The following FNDC1 variants were observed in gnomAD, a reference collection of about 807,000 sequenced individuals.
FNDC1 encodes fibronectin type III domain-containing protein 1.
FNDC1 carries 96 observed loss-of-function variants against 168.0 expected under a neutral mutation model. The ratio of observed to expected loss-of-function variants is 0.57; its 90% confidence interval spans 0.48 to 0.68. The LOEUF is 0.68. FNDC1 is among the 30% of genes least tolerant of loss of function. The pLI, the probability that FNDC1 is intolerant of heterozygous loss-of-function variation, is 0.00. For synonymous variants in FNDC1, 1,099 were observed against 1,025.9 expected, an observed-to-expected ratio of 1.07 and a Z score of -1.36; for missense variants, 2,587 against 2,482.1, an observed-to-expected ratio of 1.04 and a Z score of -0.90.
rs114185167 is a variant in FNDC1, at chr6:159,234,249, C to T, written c.3737C>T (p.Pro1246Leu). The T allele has an allele frequency of 6.9e-6, 11 of 1,591,146 alleles. No homozygotes were observed. The highest frequency in any genetic ancestry group is 1.8e-5 in the Admixed American group (1 of 56,916). ...GCTCCTGTGAAGCGACCTCTCCCCCCACCTCCAGGCAGCTCCCCCAGGGCC... is the reference window on the plus strand; with the variant it reads ...GCTCCTGTGAAGCGACCTCTCCCCCTACCTCCAGGCAGCTCCCCCAGGGCC... ...SLAPVKRPLP[P>L]PPGSSPRASH... is the part of the protein sequence containing the mutation. Residue 1246 changes from proline (P) to leucine (L), a missense_variant, in exon 11 of 23, where the codon CCA (proline) becomes CTA (leucine). Pro to Leu is a moderately conservative substitution (Grantham distance 98, BLOSUM62 -3). Coordinates refer to ENST00000297267, the MANE Select transcript of FNDC1 (RefSeq NM_032532.3).
chr6:159,224,868 T>TA (rs1277022833), intron 7 of FNDC1, among the ~76,000 whole-genome samples: 1 of 152,200 alleles, frequency 6.6e-6, no homozygotes, highest in Non-Finnish European at 1.5e-5. Context: ...TTGCAGCTCT[T>TA]AGAGTGTTGA....
intron 1 of FNDC1, among the ~76,000 whole-genome samples, chr6:159,174,193 A>G (rs1375202690): frequency 6.6e-6 from 1 of 152,260 alleles, no homozygotes; most frequent in Non-Finnish European, 1.5e-5. Context: ...CCATGAAACT[A>G]CAAACTTTGG....
intron 22 of FNDC1, among the ~76,000 whole-genome samples, chr6:159,270,936 C>G (rs1395930622): frequency 6.6e-6 from 1 of 152,184 alleles, no homozygotes; most frequent in Non-Finnish European, 1.5e-5. Context: ...CTAGCTGTGT[C>G]ACACATGTGT....
At chr6:159,191,413 T>C (rs948542247) in intron 1 of FNDC1, among the ~76,000 whole-genome samples, 1 of 152,254 alleles carries the variant, frequency 6.6e-6, no homozygotes, top group African/African-American at 2.4e-5. Context: ...TTGAGTAATT[T>C]TCTCCAGGGA....
chr6:159,233,764 A>C lies in FNDC1; in HGVS notation c.3252A>C (p.Thr1084=), dbSNP rs1475967110. ...DAQGSYDDDS[T]EVEAQDVRAP... is the part of the protein sequence containing the mutation. ...AGGGCAGCTACGACGACGACAGCACAGAAGTCGAGGCCCAGGATGTGCGGG... is the reference window on the plus strand; with the variant it reads ...AGGGCAGCTACGACGACGACAGCACCGAAGTCGAGGCCCAGGATGTGCGGG... The change falls in exon 11 of 23, where the codon ACA becomes ACC. Residue 1084 remains threonine (T), a synonymous_variant. Transcript: ENST00000297267. This position sits in a 1 kb window ranked among gnomAD's most constrained non-coding sequence, Gnocchi z 4.6. 1.4e-5 allele frequency: 21 copies of C among 1,546,092 alleles called. No homozygotes were observed. The highest frequency in any genetic ancestry group is 1.7e-4 in the Middle Eastern group (1 of 5,992).
intron 4 of FNDC1, among the ~76,000 whole-genome samples, chr6:159,209,467 A>G (rs1782552674): frequency 6.6e-6 from 1 of 152,240 alleles, no homozygotes; most frequent in Admixed American, 6.5e-5. Context: ...TTGGGGGCAC[A>G]GATGCTGGCA....
intron 2 of FNDC1, among the ~76,000 whole-genome samples, chr6:159,198,141 C>T (rs898672671): frequency 3.3e-5 from 5 of 152,142 alleles, no homozygotes; most frequent in Non-Finnish European, 7.3e-5. Flanking sequence ...GAGATTTTGC[C>T]TCAATATATT....
chr6:159,169,694 C>T lies in FNDC1; in HGVS notation c.98C>T (p.Ala33Val). The T allele has an allele frequency of 1.7e-6, 2 of 1,159,122 alleles. No homozygotes were observed. The highest frequency in any genetic ancestry group is 2.1e-6 in the Non-Finnish European group (2 of 940,894). The allele number at this position is 1,159,122 out of a possible 1,614,324, so 71.8% of individuals were successfully genotyped here. Reference protein sequence around the residue: ...LAALLPVASSAAASVDHPLKP... With the variant: ...LAALLPVASSVAASVDHPLKP... ...GCGCTGCTCCCCGTCGCCTCCTCGG[C>T]GGCGGCCTCAGGTACGCGCCGCGCC... The change falls in exon 1 of 23, where the codon GCG becomes GTG. Residue 33 changes from alanine to valine, a missense_variant. Coordinates refer to ENST00000297267, the MANE Select transcript of FNDC1 (RefSeq NM_032532.3). The surrounding 1 kb of genome is among the most constrained non-coding windows in gnomAD (Gnocchi z 6.8).
intron 1 of FNDC1, among the ~76,000 whole-genome samples, chr6:159,182,110 G>A (rs1023382607): frequency 6.6e-6 from 1 of 152,170 alleles, no homozygotes; most frequent in Non-Finnish European, 1.5e-5. Flanking sequence ...AGGCCTTGGG[G>A]TGATCTTATT....
intron 4 of FNDC1, among the ~76,000 whole-genome samples, chr6:159,206,332 C>A (rs537474454): frequency 6.6e-6 from 1 of 152,236 alleles, no homozygotes; most frequent in Non-Finnish European, 1.5e-5. Context: ...TTCACAGTAG[C>A]TTTCTCATGC....
At chr6:159,187,797 G>A (rs981139019) in intron 1 of FNDC1, among the ~76,000 whole-genome samples, 2 of 152,062 alleles carry the variant, frequency 1.3e-5, no homozygotes, top group Non-Finnish European at 2.9e-5. Context: ...CTAGTATTTT[G>A]CCCATGTGTT....
intron 18 of FNDC1, among the ~76,000 whole-genome samples, chr6:159,258,120 G>A (rs1233807857): frequency 6.6e-6 from 1 of 152,174 alleles, no homozygotes; most frequent in Non-Finnish European, 1.5e-5. Flanking sequence ...GGAGGGTTAT[G>A]TAGGGCGATG....
Position 159,271,465 on chromosome 6 carries a change from G to A in FNDC1, c.*23G>A, listed in dbSNP as rs1194665657. ...TAATCACAGGACCGTCATGCTGCAA[G>A]CTTGCCCTGCCCAGCCCCACCAACT... On this transcript the variant is annotated 3_prime_UTR_variant, in exon 23 of 23. Transcript: ENST00000297267. The A allele has an allele frequency of 6.4e-6, 10 of 1,561,052 alleles. No homozygotes were observed. The highest frequency in any genetic ancestry group is 8.7e-6 in the Non-Finnish European group (10 of 1,142,866).
At position 159,210,307 on chromosome 6, in the gene FNDC1, G is replaced by A. The variant is rs115741067; in HGVS notation, c.461-4638G>A. 9.0e-3 allele frequency among the ~76,000 whole-genome samples: 1,363 copies of A among 152,284 alleles called. 21 individuals are homozygous for A. Among genetic ancestry groups the A allele is most frequent in the African/African-American group, 0.031 (1,289 of 41,562 alleles). ...CGGAGAGAGCTAGGGCTACCGATCC[G>A]ACAGATGGGGTGCGAATTCTGGCTT... is the stretch of plus-strand genomic sequence containing the variant. On this transcript the variant is annotated intron_variant, in intron 4 of 22. Coordinates refer to ENST00000297267, the MANE Select transcript of FNDC1 (RefSeq NM_032532.3).
chr6:159,247,035 C>A (rs1420780153), intron 15 of FNDC1, 66 bp downstream of exon 15: 5 of 1,167,330 alleles, frequency 4.3e-6, no homozygotes, highest in South Asian at 3.7e-5. Context: ...CTGATTGTAA[C>A]TATTGAGTGG....
rs193026671 is a variant in FNDC1, at chr6:159,263,620, G to A, written c.5255-1355G>A. ...TACTAAAAATACAAAAAATTAGCCA[G>A]GTGTGGTGGCGGGCGCCTGTAGTCC... On this transcript the variant is annotated intron_variant, in intron 19 of 22. Coordinates refer to ENST00000297267, the MANE Select transcript of FNDC1 (RefSeq NM_032532.3). Among the ~76,000 whole-genome samples the A allele has an allele frequency of 8.1e-4, 124 of 152,190 alleles. 2 individuals are homozygous for A. In the East Asian group the frequency reaches 0.013, roughly 15 times the overall value.
At chr6:159,249,681 C>A (rs1415620652) in intron 16 of FNDC1, among the ~76,000 whole-genome samples, 2 of 152,178 alleles carry the variant, frequency 1.3e-5, no homozygotes, top group Non-Finnish European at 2.9e-5. Flanking sequence ...TCTAGAAATT[C>A]ATTTTACTCT....
At chr6:159,190,132 C>T (rs574090532) in intron 1 of FNDC1, among the ~76,000 whole-genome samples, 4 of 152,146 alleles carry the variant, frequency 2.6e-5, no homozygotes, top group Admixed American at 6.5e-5. Flanking sequence ...CTGAAGGTGG[C>T]GCGAGGTGGT....
rs541185140 is a variant in FNDC1, at chr6:159,176,686, G to T, written c.109+6981G>T. On this transcript the variant is annotated intron_variant, in intron 1 of 22. Transcript: ENST00000297267. ...GCACCCAGCTCAGGAAAGTCCTGGG[G>T]TCTGACCTTGATCCATAGTGTTGGT... 1.5e-3 allele frequency among the ~76,000 whole-genome samples: 224 copies of T among 152,294 alleles called. 1 individual carries two copies. Among genetic ancestry groups the T allele is most frequent in the African/African-American group, 5.1e-3 (213 of 41,560 alleles).
Sources: allele counts gnomAD v4.1 joint callset (sites outside exome capture counted in the v4.1 genomes callset), GRCh38; gene constraint gnomAD v4.1.1; non-coding constraint Gnocchi (gnomAD v3.1); transcripts MANE v1.5; gene names NCBI Gene and HGNC (gene_info 2026-07-23, HGNC 2026-07-21).